SLC9B2: variants seen among roughly 807,000 people sequenced by gnomAD.
SLC9B2 encodes the protein sodium/hydrogen exchanger 9B2.
SLC9B2 carries 39 observed loss-of-function variants against 52.2 expected under a neutral mutation model. The ratio of observed to expected loss-of-function variants is 0.75; its 90% CI spans 0.58 to 0.98. The LOEUF (loss-of-function observed/expected upper bound fraction) is 0.98, where lower values mean the gene tolerates loss of function less well. Ranked by LOEUF, SLC9B2 falls within the 50% of genes least tolerant of loss-of-function variation. SLC9B2 has a pLI of 0.00. For missense variants in SLC9B2, 626 were observed against 637.5 expected, an observed-to-expected ratio of 0.98 and a Z score of 0.19; for synonymous variants, 214 against 227.0, an observed-to-expected ratio of 0.94 and a Z score of 0.51.
At chr4:103,031,121 G>A (rs927445246) in intron 10 of SLC9B2, among the ~76,000 whole-genome samples, 1 of 152,130 alleles carries the variant, frequency 6.6e-6, no homozygotes, top group African/African-American at 2.4e-5. Flanking sequence ...GCAAGATTCA[G>A]AAGGAGTAGC....
Position 103,045,040 on chromosome 4 carries a change from A to C in SLC9B2, c.890-44T>G, listed in dbSNP as rs1578454764. The C allele has an allele frequency of 1.2e-5, 15 of 1,271,604 alleles. No individual in the cohort carries two copies. In the East Asian group the frequency reaches 3.5e-4, roughly 29 times the overall value. The allele number at this position is 1,271,604 out of a possible 1,614,324, so 78.8% of individuals were successfully genotyped here. A position where few individuals can be genotyped will look rare whatever the true frequency, so the allele number is the denominator to read the frequency against. ...AAACTTAGAGCTCTAAATCCAACAA[A>C]TACACAGGTTTTATTCCACAATCAT... is the stretch of plus-strand genomic sequence containing the variant. On this transcript the variant is annotated intron_variant, in intron 7 of 11. Transcript: ENST00000394785.
rs768175533 is a variant in SLC9B2 at position 103,067,520 on chromosome 4, C to T, written c.31G>A (p.Glu11Lys). The T allele has an allele frequency of 3.1e-6, 5 of 1,613,042 alleles. No homozygotes were observed. The African/African-American group carries it at 5.3e-5, about 17-fold the overall frequency. ...ATTCCTGTGGATGGTTCTGAATCTT[C>T]ATATGTAATTCTTTTATCTTCATCC... is the stretch of plus-strand genomic sequence containing the variant. MGDEDKRITY[E>K]DSEPSTGMNY... Residue 11 changes from glutamate (E) to lysine (K), a missense_variant, in exon 2 of 12, where the codon GAA becomes AAA. Coordinates refer to ENST00000394785, the MANE Select transcript of SLC9B2 (RefSeq NM_178833.7).
At position 103,048,980 on chromosome 4, in the gene SLC9B2, A is replaced by G. The variant is rs375017562; in HGVS notation, c.626T>C (p.Met209Thr). The change falls in exon 6 of 12, where the codon ATG becomes ACG. Residue 209 changes from methionine (M) to threonine (T), a missense_variant. Coordinates refer to ENST00000394785, the MANE Select transcript of SLC9B2 (RefSeq NM_178833.7). ...GCACGCCTCCACAATACAGGGACCC[A>G]TGGACAGTCTTACACAAACGCCCTT... ...KLKGVCVRLSMGPCIVEACTS... is the reference protein window; with the variant it reads ...KLKGVCVRLSTGPCIVEACTS... 6.2e-6 allele frequency: 10 copies of G among 1,613,892 alleles called. No individual in the cohort carries two copies. Among genetic ancestry groups the G allele is most frequent in the South Asian group, 1.1e-5 (1 of 91,072 alleles).
At chr4:103,045,726 T>G (rs1191057540) in intron 7 of SLC9B2, among the ~76,000 whole-genome samples, 1 of 152,132 alleles carries the variant, frequency 6.6e-6, no homozygotes. Flanking sequence ...CCCACCACCA[T>G]GATTCTAATG....
downstream of SLC9B2, chr4:103,019,807 T>A (rs1172699821): frequency 6.1e-6 from 6 of 985,328 alleles, no homozygotes; most frequent in Non-Finnish European, 7.2e-6. Context: ...GGTTCTGGGG[T>A]TTCTGGGACT....
intron 1 of SLC9B2, among the ~76,000 whole-genome samples, chr4:103,071,665 C>G (rs540277590): frequency 6.6e-6 from 1 of 152,034 alleles, no homozygotes; most frequent in Non-Finnish European, 1.5e-5. Context: ...GTGTGAGCTA[C>G]CACACCCGGC....
chr4:103,045,326 ATTC>A (rs1274650762), intron 7 of SLC9B2, among the ~76,000 whole-genome samples: 1 of 152,178 alleles, frequency 6.6e-6, no homozygotes, highest in Non-Finnish European at 1.5e-5. Flanking sequence ...TATGGCAATC[ATTC>A]TTCTTATCTA....
chr4:103,052,095 C>A (rs1744738369), intron 4 of SLC9B2, among the ~76,000 whole-genome samples: 1 of 152,238 alleles, frequency 6.6e-6, no homozygotes, highest in African/African-American at 2.4e-5. Flanking sequence ...GCTAGACCAG[C>A]AGTCCACAGC....
chr4:103,042,151 T>A (rs1050574004), intron 9 of SLC9B2: 3 of 152,116 alleles, frequency 2.0e-5, no homozygotes, highest in African/African-American at 7.2e-5. Context: ...CTATGGAAGA[T>A]CCCCACAGAG....
rs375458069 is a variant in SLC9B2 at position 103,066,394 on chromosome 4, G to A, written c.204C>T (p.His68=). 1.1e-5 allele frequency: 18 copies of A among 1,613,942 alleles called. No individual in the cohort carries two copies. The highest frequency in any genetic ancestry group is 1.6e-4 in the Middle Eastern group (1 of 6,084). Residue 68 remains histidine (H), a synonymous_variant, in exon 3 of 12, where the codon CAC becomes CAT. Transcript: ENST00000394785. ...CCAGCATTTGTCTCAGTCTTTGTAC[G>A]TGATTTGCTTCAGTTGGTGTTTCTT... is the stretch of plus-strand genomic sequence containing the variant. ...KLQETPTEAN[H]VQRLRQMLAC... is the part of the protein sequence containing the mutation.
At chr4:103,020,743 C>G (rs996312587), downstream of SLC9B2, among the ~76,000 whole-genome samples, 3 of 152,188 alleles carry the variant, frequency 2.0e-5, no homozygotes, top group Admixed American at 6.5e-5. Flanking sequence ...TTCAAGCGAT[C>G]CTCCTGCCTC....
chr4:103,072,056 G>GTTT (rs779979130), intron 1 of SLC9B2, among the ~76,000 whole-genome samples: 10 of 95,328 alleles, frequency 1.0e-4, no homozygotes, highest in East Asian at 3.1e-4. Context: ...TGGCTTTCAT[G>GTTT]TTTTTTTTTT....
At chr4:103,049,779 A>C (rs919280940) in intron 5 of SLC9B2, among the ~76,000 whole-genome samples, 3 of 151,988 alleles carry the variant, frequency 2.0e-5, no homozygotes, top group Non-Finnish European at 4.4e-5. Flanking sequence ...TGGGAGGGGG[A>C]AGCAGGCAGA....
At chr4:103,057,464 C>T (rs1020767107) in intron 4 of SLC9B2, among the ~76,000 whole-genome samples, 15 of 151,766 alleles carry the variant, frequency 9.9e-5, no homozygotes, top group South Asian at 2.1e-4. Flanking sequence ...TCACCATGCC[C>T]GGCTAATTTT....
chr4:103,050,260 C>A lies in SLC9B2; in HGVS notation c.565G>T (p.Gly189Cys), dbSNP rs1744549213. ...IALSIILVRA[G>C]LGLDSKALKK... ...CATACCTTTGAATCCAGACCAAGGCCAGCACGAACCAGAATGATAGACAGG... is the reference window on the plus strand; with the variant it reads ...CATACCTTTGAATCCAGACCAAGGCAAGCACGAACCAGAATGATAGACAGG... The change falls in exon 5 of 12, where the codon GGC becomes TGC. Residue 189 changes from glycine (G) to cysteine (C), a missense_variant. Physicochemically the swap from Gly to Cys is radical, Grantham distance 159 (BLOSUM62 -3). Transcript: ENST00000394785. 1.3e-6 allele frequency: 2 copies of A among 1,596,154 alleles called. No individual in the cohort carries two copies. Among genetic ancestry groups the A allele is most frequent in the African/African-American group, 2.7e-5 (2 of 73,814 alleles).
Sources: allele counts gnomAD v4.1 joint callset (sites outside exome capture counted in the v4.1 genomes callset), GRCh38; gene constraint gnomAD v4.1.1; transcripts MANE v1.5; gene names NCBI Gene and HGNC (gene_info 2026-07-23, HGNC 2026-07-21).